SLIT1: variants seen among roughly 807,000 people sequenced by gnomAD.
SLIT1 encodes the protein slit guidance ligand 1, also known as slit homolog 1 protein.
Under a neutral mutation model 186.1 loss-of-function variants are expected in SLIT1, and 66 were observed. The ratio of observed to expected loss-of-function variants is 0.35; its 90% CI spans 0.29 to 0.44. SLIT1 has a LOEUF of 0.44. SLIT1 is among the 20% of genes least tolerant of loss of function. SLIT1 has a pLI of 1.00. For missense variants in SLIT1, 1,638 were observed against 2,037.4 expected (o/e 0.80, Z 3.77); for synonymous variants, 761 against 833.8 (o/e 0.91, Z 1.50).
chr10:97,161,877 GA>G (rs1166225045), intron 3 of SLIT1, among the ~76,000 whole-genome samples: 8 of 152,218 alleles, frequency 5.3e-5, no homozygotes, highest in Admixed American at 6.5e-5. Flanking sequence ...TACAACTGGG[GA>G]CAAGTGACTT....
intron 14 of SLIT1, 31 bp downstream of exon 14, chr10:97,048,924 C>A: frequency 6.3e-7 from 1 of 1,594,622 alleles, no homozygotes; most frequent in Non-Finnish European, 8.5e-7. Flanking sequence ...GGTAGGTGGA[C>A]AGGTGGGCAG....
chr10:97,061,633 TTTTTCATTG>T, intron 8 of SLIT1, among the ~76,000 whole-genome samples: 1 of 152,386 alleles, frequency 6.6e-6, no homozygotes, highest in East Asian at 1.9e-4. Flanking sequence ...TAGTTTGTTC[TTTTTCATTG>T]CTGAGTAGTA....
At position 97,179,092 on chromosome 10, in the gene SLIT1, A is replaced by C. The variant is rs1324577622; in HGVS notation, c.197+6386T>G. Among the ~76,000 whole-genome samples the C allele has an allele frequency of 2.6e-5, 4 of 151,840 alleles. No individual in the cohort carries two copies. The East Asian group carries it at 7.7e-4, about 29-fold the overall frequency. ...TGCCCAGCCTTTAAGCCCCAGTTCA[A>C]ACCCTACCTCCACAACACAACAACA... On this transcript the variant is annotated intron_variant, in intron 1 of 36. Transcript: ENST00000266058.
chr10:97,009,538 C>A (rs561497067), intron 31 of SLIT1, among the ~76,000 whole-genome samples: 73 of 152,198 alleles, frequency 4.8e-4, no homozygotes, highest in African/African-American at 1.7e-3. Flanking sequence ...TCTTAGAAGA[C>A]AACATAGGTA....
At chr10:97,087,387 T>C (rs1849173818) in intron 4 of SLIT1, among the ~76,000 whole-genome samples, 1 of 152,162 alleles carries the variant, frequency 6.6e-6, no homozygotes, top group Non-Finnish European at 1.5e-5. Context: ...CAAACACTTT[T>C]CCCCGTGGTC....
chr10:97,151,294 G>A (rs1174313897), intron 4 of SLIT1, among the ~76,000 whole-genome samples: 1 of 151,854 alleles, frequency 6.6e-6, no homozygotes, highest in Non-Finnish European at 1.5e-5. Context: ...AGGAAGGTGG[G>A]GAGGAGTTGG....
chr10:97,076,642 G>C (rs372173796), intron 4 of SLIT1, among the ~76,000 whole-genome samples: 1 of 152,226 alleles, frequency 6.6e-6, no homozygotes, highest in East Asian at 1.9e-4. Context: ...TCACCTTCAA[G>C]GTGGGTTCTG....
At chr10:97,105,226 T>C (rs1233703159) in intron 4 of SLIT1, among the ~76,000 whole-genome samples, 1 of 152,160 alleles carries the variant, frequency 6.6e-6, no homozygotes, top group Non-Finnish European at 1.5e-5. Flanking sequence ...TGATGACCAC[T>C]CAGTTCCATT....
intron 1 of SLIT1, among the ~76,000 whole-genome samples, chr10:97,181,991 G>A (rs1850344851): frequency 6.6e-6 from 1 of 152,158 alleles, no homozygotes; most frequent in South Asian, 2.1e-4. Context: ...TAACTTAATG[G>A]TGACCATGGC....
chr10:97,180,395 C>T (rs1424314373), intron 1 of SLIT1, among the ~76,000 whole-genome samples: 1 of 152,198 alleles, frequency 6.6e-6, no homozygotes, highest in African/African-American at 2.4e-5. Flanking sequence ...TCTGAGAAGT[C>T]GCCCTTTCCT....
Position 97,046,675 on chromosome 10 carries a change from C to T in SLIT1, c.1832G>A (p.Gly611Asp). ...TCACAGGGTCCTCAAGCCATCCAGACCCCGGAACATGCCGCTCCGGATGGA... is the reference window on the plus strand; with the variant it reads ...TCACAGGGTCCTCAAGCCATCCAGATCCCGGAACATGCCGCTCCGGATGGA... ...LESIRSGMFR[G>D]LDGLRTLMLR... Residue 611 changes from glycine to aspartate, a missense_variant, in exon 18 of 37, where the codon GGT (glycine) becomes GAT (aspartate). Around this residue, in one of 3 missense-constraint regions of SLIT1, gnomAD observed 1,245 missense variants for 1,535.3 expected, o/e 0.81. Coordinates refer to ENST00000266058, the MANE Select transcript of SLIT1 (RefSeq NM_003061.3). 1 of 1,609,784 alleles carries T rather than the reference C, an allele frequency of 6.2e-7. No individual in the cohort carries two copies. The highest frequency in any genetic ancestry group is 8.5e-7 in the Non-Finnish European group (1 of 1,179,954).
At chr10:97,160,845 G>A (rs1850015735) in intron 3 of SLIT1, among the ~76,000 whole-genome samples, 1 of 152,048 alleles carries the variant, frequency 6.6e-6, no homozygotes, top group African/African-American at 2.4e-5. Context: ...CTGAGCCTCT[G>A]GAGTAGCTGG....
intron 4 of SLIT1, among the ~76,000 whole-genome samples, chr10:97,129,139 C>G (rs749431935): frequency 6.6e-6 from 1 of 152,102 alleles, no homozygotes; most frequent in Non-Finnish European, 1.5e-5. Flanking sequence ...CGGTGGCTCA[C>G]GTCTGTTATC....
intron 4 of SLIT1, among the ~76,000 whole-genome samples, chr10:97,100,559 C>T (rs1396540240): frequency 6.6e-6 from 1 of 151,734 alleles, no homozygotes; most frequent in Non-Finnish European, 1.5e-5. Flanking sequence ...TCACTTTAAC[C>T]CGGGAGGCAG....
chr10:97,157,880 G>T lies in SLIT1; in HGVS notation c.351C>A (p.Asn117Lys). The change falls in exon 4 of 37, where the codon AAC becomes AAA. Residue 117 changes from asparagine (N) to lysine (K), a missense_variant. Physicochemically the swap from Asn to Lys is moderately conservative, Grantham distance 94. This residue lies in a region of SLIT1 where 1,245 missense variants were observed against 1,535.3 expected (regional missense o/e 0.81). Coordinates refer to ENST00000266058, the MANE Select transcript of SLIT1 (RefSeq NM_003061.3). ...CCGGTAACATGTGCAGCTGGTTTCG[G>T]TTCAGTCGCCTATAAAAGAGAAGAA... ...DMKELERLRL[N>K]RNQLHMLPEL... is the part of the protein sequence containing the mutation. The T allele has an allele frequency of 6.2e-7, 1 of 1,613,502 alleles. No individual in the cohort carries two copies. Among genetic ancestry groups the T allele is most frequent in the East Asian group, 2.2e-5 (1 of 44,894 alleles).
In SLIT1 at chr10:97,049,069, C is replaced by T; in HGVS notation, c.1351G>A (p.Ala451Thr). 1 of 1,613,816 alleles carries T rather than the reference C, an allele frequency of 6.2e-7. No homozygotes were observed. Among genetic ancestry groups the T allele is most frequent in the East Asian group, 2.2e-5 (1 of 44,878 alleles). The part of the protein sequence containing the change: ...FICDCNLKWL[A>T]DFLRTNPIET... Reference sequence around the variant, plus strand: ...ATGGGATTGGTGCGCAGGAAGTCTGCCAGCCACTTGAGGTTACAGTCGCAA... The same window carrying T: ...ATGGGATTGGTGCGCAGGAAGTCTGTCAGCCACTTGAGGTTACAGTCGCAA... Residue 451 changes from alanine (A) to threonine (T), a missense_variant, in exon 14 of 37, where the codon GCA becomes ACA. Coordinates refer to ENST00000266058, the MANE Select transcript of SLIT1 (RefSeq NM_003061.3).
intron 17 of SLIT1, 80 bp from the exon 18 acceptor site, chr10:97,046,877 C>T (rs1848738825): frequency 1.6e-5 from 26 of 1,582,680 alleles, no homozygotes; most frequent in Non-Finnish European, 2.2e-5. Context: ...AGGCAACACC[C>T]CCACACACAG....
Position 97,158,491 on chromosome 10 carries a change from G to A in SLIT1, c.342-602C>T, listed in dbSNP as rs534801699. 4.2e-3 allele frequency among the ~76,000 whole-genome samples: 637 copies of A among 151,912 alleles called. 11 individuals are homozygous for A. Among genetic ancestry groups the A allele is most frequent in the Middle Eastern group, 0.014 (4 of 294 alleles). On this transcript the variant is annotated intron_variant, in intron 3 of 36. Transcript: ENST00000266058. ...AGCCTGGCCAACATGGTGAAACCCC[G>A]TCTCTACTAAAAATACAAAAATTAG...
In SLIT1 at chr10:97,018,754, C is replaced by A. The variant is rs1468538421; in HGVS notation, c.2872-71G>T. On this transcript the variant is annotated intron_variant, in intron 27 of 36. Transcript: ENST00000266058. ...TAGTATGAGCCAACAGCCAGCCAGACCCTCAGCAGCTCAGCCTCTCCCTGT... is the reference window on the plus strand; with the variant it reads ...TAGTATGAGCCAACAGCCAGCCAGAACCTCAGCAGCTCAGCCTCTCCCTGT... 4.4e-5 allele frequency: 42 copies of A among 946,950 alleles called. 1 individual carries two copies. The Admixed American group carries it at 8.3e-4, about 19-fold the overall frequency. The allele number at this position is 946,950 out of a possible 1,614,324, so 58.7% of individuals were successfully genotyped here. A position where few individuals can be genotyped will look rare whatever the true frequency, so the allele number is the denominator to read the frequency against.
Sources: allele counts gnomAD v4.1 joint callset (sites outside exome capture counted in the v4.1 genomes callset), GRCh38; gene constraint gnomAD v4.1.1; regional missense constraint gnomAD v4.1.1; transcripts MANE v1.5; gene names NCBI Gene and HGNC (gene_info 2026-07-23, HGNC 2026-07-21).